RAB27B: variants seen among roughly 807,000 people sequenced by gnomAD.
The protein encoded by RAB27B is ras-related protein Rab-27B.
Under a neutral mutation model 24.6 loss-of-function variants are expected in RAB27B, and 15 were observed. That is an observed-to-expected ratio of 0.61 (90% CI 0.41 to 0.94). RAB27B has a LOEUF of 0.94. Ranked by LOEUF, RAB27B falls within the 40% of genes least tolerant of loss-of-function variation. The pLI, the probability that RAB27B is intolerant of heterozygous loss-of-function variation, is 0.00. For synonymous variants in RAB27B, 105 were observed against 92.5 expected (o/e 1.14, Z -0.78); for missense variants, 261 against 266.8 (o/e 0.98, Z 0.15).
intron 2 of RAB27B, among the ~76,000 whole-genome samples, chr18:54,815,805 G>A (rs1910103271): frequency 6.6e-6 from 1 of 152,006 alleles, no homozygotes. Context: ...TGTATTTTTA[G>A]TATAGACGGG....
At chr18:54,808,853 G>C (rs1180811137) in intron 2 of RAB27B, among the ~76,000 whole-genome samples, 12 of 152,144 alleles carry the variant, frequency 7.9e-5, no homozygotes. Flanking sequence ...TAGATATCTA[G>C]CTGTGCTAAA....
At chr18:54,815,498 T>G (rs185504705) in intron 2 of RAB27B, among the ~76,000 whole-genome samples, 1 of 152,324 alleles carries the variant, frequency 6.6e-6, no homozygotes, top group African/African-American at 2.4e-5. Context: ...CTCAAATCCC[T>G]CTGCCTCTGG....
chr18:54,854,123 T>C (rs139547393), intron 1 of RAB27B, among the ~76,000 whole-genome samples: 5 of 152,334 alleles, frequency 3.3e-5, no homozygotes, highest in African/African-American at 1.2e-4. Context: ...TCCAGGTTAA[T>C]TATTTACATT....
At chr18:54,885,684 T>A (rs1200900331) in intron 4 of RAB27B, among the ~76,000 whole-genome samples, 1 of 152,132 alleles carries the variant, frequency 6.6e-6, no homozygotes, top group Non-Finnish European at 1.5e-5. Context: ...TAATGTGTTA[T>A]GTATTTTTTG....
At chr18:54,823,332 G>C (rs1389316483) in intron 2 of RAB27B, among the ~76,000 whole-genome samples, 1 of 152,154 alleles carries the variant, frequency 6.6e-6, no homozygotes, top group East Asian at 1.9e-4. Flanking sequence ...CAGGAGGTAG[G>C]GGCACACCCG....
At chr18:54,727,302 T>G (rs2144983508) in intron 2 of RAB27B, among the ~76,000 whole-genome samples, 1 of 152,244 alleles carries the variant, frequency 6.6e-6, no homozygotes, top group East Asian at 1.9e-4. Flanking sequence ...ATATTTTAAA[T>G]CTGAATGTGT....
chr18:54,831,965 G>A (rs1910697770), intron 1 of RAB27B, among the ~76,000 whole-genome samples: 1 of 152,050 alleles, frequency 6.6e-6, no homozygotes, highest in Non-Finnish European at 1.5e-5. Flanking sequence ...TAGTTGAGAC[G>A]GGGTTTCACC....
upstream of RAB27B, among the ~76,000 whole-genome samples, chr18:54,824,992 G>A (rs76768918): frequency 6.6e-6 from 1 of 152,048 alleles, no homozygotes; most frequent in East Asian, 1.9e-4. Context: ...CTTGTTTGGG[G>A]AACTGTTACT....
rs140540066 is a variant in RAB27B at position 54,823,392 on chromosome 18, C to T, written c.-19-54175C>T. Reference sequence around the variant, plus strand: ...CCCTGCAATCGCAAGAGAAGGGTTACGAAATCTCGGATCTCATCAGTGAGG... The same window carrying T: ...CCCTGCAATCGCAAGAGAAGGGTTATGAAATCTCGGATCTCATCAGTGAGG... On this transcript the variant is annotated intron_variant, in intron 2 of 4. Transcript: ENST00000586570. 1.8e-4 allele frequency among the ~76,000 whole-genome samples: 27 copies of T among 151,310 alleles called. No individual in the cohort carries two copies. In the East Asian group the frequency reaches 4.9e-3, roughly 27 times the overall value.
intron 1 of RAB27B, among the ~76,000 whole-genome samples, chr18:54,851,499 G>T (rs1911587499): frequency 6.6e-6 from 1 of 151,876 alleles, no homozygotes; most frequent in African/African-American, 2.4e-5. Flanking sequence ...TACTATTTAG[G>T]GTTGCCAAAT....
chr18:54,824,697 G>A (rs1437915909), upstream of RAB27B, among the ~76,000 whole-genome samples: 8 of 152,212 alleles, frequency 5.3e-5, no homozygotes, highest in Admixed American at 5.2e-4. Flanking sequence ...CCTGCAAGGG[G>A]CTAAGAAATG....
At chr18:54,738,410 C>T (rs1015775805) in intron 2 of RAB27B, among the ~76,000 whole-genome samples, 18 of 152,060 alleles carry the variant, frequency 1.2e-4, no homozygotes, top group African/African-American at 3.9e-4. Flanking sequence ...ATGCTGTTCT[C>T]GTGATAGTGA....
chr18:54,829,959 T>G (rs1347378759), intron 1 of RAB27B, among the ~76,000 whole-genome samples: 1 of 152,224 alleles, frequency 6.6e-6, no homozygotes, highest in Non-Finnish European at 1.5e-5. Flanking sequence ...TTAATGGAGC[T>G]TTTCTGTTTC....
intron 1 of RAB27B, among the ~76,000 whole-genome samples, chr18:54,859,023 G>A (rs755741598): frequency 1.3e-5 from 2 of 152,054 alleles, no homozygotes; most frequent in Non-Finnish European, 2.9e-5. Flanking sequence ...TCAAAAATAT[G>A]AGAAACTAAC....
intron 2 of RAB27B, among the ~76,000 whole-genome samples, chr18:54,772,266 T>C (rs1245098647): frequency 2.0e-5 from 3 of 152,326 alleles, no homozygotes; most frequent in South Asian, 4.1e-4. Context: ...TAATGTATCA[T>C]GGGTTAGATG....
chr18:54,803,957 G>A (rs1042440602), intron 2 of RAB27B, among the ~76,000 whole-genome samples: 16 of 152,160 alleles, frequency 1.1e-4, no homozygotes, highest in Non-Finnish European at 1.6e-4. Context: ...ACAAAGGATC[G>A]TGGGATTAGT....
intron 1 of RAB27B, among the ~76,000 whole-genome samples, chr18:54,834,860 G>C (rs1206926038): frequency 6.6e-6 from 1 of 151,580 alleles, no homozygotes; most frequent in Non-Finnish European, 1.5e-5. Flanking sequence ...TATTGAACTT[G>C]GGGTCAACTT....
intron 2 of RAB27B, among the ~76,000 whole-genome samples, chr18:54,724,784 G>A (rs1303489000): frequency 6.6e-6 from 1 of 151,460 alleles, no homozygotes; most frequent in African/African-American, 2.4e-5. Context: ...CATTAGGAGG[G>A]CTCTAGATTC....
intron 2 of RAB27B, among the ~76,000 whole-genome samples, chr18:54,764,907 G>A (rs909283034): frequency 5.9e-5 from 9 of 152,058 alleles, no homozygotes; most frequent in African/African-American, 2.2e-4. Context: ...AAATGGTTTT[G>A]AAAAAGACTG....
Sources: allele counts gnomAD v4.1 joint callset (sites outside exome capture counted in the v4.1 genomes callset), GRCh38; gene constraint gnomAD v4.1.1; transcripts MANE v1.5; gene names NCBI Gene and HGNC (gene_info 2026-07-23, HGNC 2026-07-21).